The following KIAA0930 variants were observed in gnomAD, a reference collection of about 807,000 sequenced individuals.
KIAA0930 encodes KIAA0930, also known as uncharacterized protein KIAA0930.
Under a neutral mutation model 43.9 loss-of-function variants are expected in KIAA0930, and 24 were observed. That is an observed-to-expected ratio of 0.55 (90% CI 0.40 to 0.77). KIAA0930 has a LOEUF of 0.77. Ranked by LOEUF, KIAA0930 falls within the 30% of genes least tolerant of loss-of-function variation. KIAA0930 has a pLI of 0.00. For synonymous variants in KIAA0930, 259 were observed against 216.4 expected, an observed-to-expected ratio of 1.20 and a Z score of -1.73; for missense variants, 461 against 574.2, an observed-to-expected ratio of 0.80 and a Z score of 2.02.
intron 2 of KIAA0930, among the ~76,000 whole-genome samples, chr22:45,208,316 C>T (rs1163793712): frequency 7.3e-5 from 11 of 151,182 alleles, no homozygotes; most frequent in Admixed American, 6.6e-4. Context: ...CAGGCAGAAC[C>T]ACCGACTCCA....
Position 45,193,094 on chromosome 22 carries a change from G to A in KIAA0930, c.*4082C>T, listed in dbSNP as rs1008477747. On this transcript the variant is annotated 3_prime_UTR_variant, in exon 10 of 10. Transcript: ENST00000336156. The stretch of plus-strand genomic sequence containing the variant: ...GGCACGTGCCTTTCCTTATCTCGTG[G>A]AGTGTCCGTCCTATCAGGTGGTTGT... 6.6e-6 allele frequency: 1 copy of A among 152,118 alleles called. No homozygotes were observed. Among genetic ancestry groups the A allele is most frequent in the East Asian group, 1.9e-4 (1 of 5,180 alleles). 9.4% of individuals were successfully genotyped at this position (152,118 alleles called of 1,614,324 possible).
At chr22:45,214,941 G>C (rs553439303) in intron 1 of KIAA0930, among the ~76,000 whole-genome samples, 39 of 151,594 alleles carry the variant, frequency 2.6e-4, no homozygotes, top group African/African-American at 9.4e-4. Context: ...ATTTAGGCCA[G>C]GTGCAGTGGC....
chr22:45,213,836 C>G (rs2083714897), intron 1 of KIAA0930, among the ~76,000 whole-genome samples: 1 of 152,058 alleles, frequency 6.6e-6, no homozygotes, highest in Non-Finnish European at 1.5e-5. Flanking sequence ...ATGGTGAAAC[C>G]CTGTATCTAG....
rs1196717621 is a variant in KIAA0930 at position 45,203,983 on chromosome 22, C to T, written c.519G>A (p.Val173=). Residue 173 remains valine (V), a splice_region_variant and synonymous_variant, in exon 6 of 10, where the codon GTG becomes GTA. Coordinates refer to ENST00000336156, the MANE Select transcript of KIAA0930 (RefSeq NM_001009880.2). The stretch of plus-strand genomic sequence containing the variant: ...CTTCCCCTACGGTCATGTCGCTGAA[C>T]ACCTGGGCCAGGACACAAAGAGACA... ...IFFMIDSFEE[V]FSDMTVGEGE... is the part of the protein sequence containing the mutation. 1.9e-6 allele frequency: 3 copies of T among 1,613,948 alleles called. No individual in the cohort carries two copies. The highest frequency in any genetic ancestry group is 2.5e-6 in the Non-Finnish European group (3 of 1,179,870).
chr22:45,221,319 C>CAAATGGCATGGCAGTACGTAAAG (rs2083766253), intron 1 of KIAA0930, among the ~76,000 whole-genome samples: 1 of 152,158 alleles, frequency 6.6e-6, no homozygotes, highest in Admixed American at 6.5e-5. Flanking sequence ...ACCATAGCTG[C>CAAATGGCATGGCAGTACGTAAAG]AAATGGCATG....
At position 45,216,875 on chromosome 22, in the gene KIAA0930, C is replaced by A. The variant is rs143934937; in HGVS notation, c.65-4768G>T. ...CTCTGTGCTCACGGCCCTGCCTTCC[C>A]TCCCTTCCCTCCCGGGGTCCTATGA... On this transcript the variant is annotated intron_variant, in intron 1 of 9. Transcript: ENST00000336156. Among the ~76,000 whole-genome samples the A allele has an allele frequency of 6.4e-3, 979 of 152,262 alleles. 9 individuals are homozygous for A. Among genetic ancestry groups the A allele is most frequent in the African/African-American group, 0.022 (909 of 41,530 alleles).
Position 45,207,485 on chromosome 22 carries a change from A to AT in KIAA0930, c.217-1574dup, listed in dbSNP as rs34108837. 971 of 137,842 alleles carry AT rather than the reference A, an allele frequency of 7.0e-3. 4 individuals carry two copies. Among genetic ancestry groups the AT allele is most frequent in the African/African-American group, 8.7e-3 (311 of 35,822 alleles). 8.5% of individuals were successfully genotyped at this position (137,842 alleles called of 1,614,324 possible). ...TTATAGGCGTCTGCCACCACACGTA[A>AT]TTTTTTTTTTTTTTTTTTAATAGAG... On this transcript the variant is annotated intron_variant, in intron 2 of 9. Coordinates refer to ENST00000336156, the MANE Select transcript of KIAA0930 (RefSeq NM_001009880.2).
chr22:45,227,704 T>C (rs954542090), intron 1 of KIAA0930, among the ~76,000 whole-genome samples: 5 of 152,258 alleles, frequency 3.3e-5, no homozygotes, highest in African/African-American at 1.2e-4. Context: ...TGGTTCTGGC[T>C]CCAACTGTCC....
At chr22:45,199,518 AC>A (rs933809433) in intron 8 of KIAA0930, among the ~76,000 whole-genome samples, 3 of 152,148 alleles carry the variant, frequency 2.0e-5, no homozygotes, top group Non-Finnish European at 2.9e-5. Context: ...CTCCCGCCAC[AC>A]CCCGTGTGTG....
intron 1 of KIAA0930, among the ~76,000 whole-genome samples, chr22:45,218,768 C>CG (rs370990909): frequency 1.3e-3 from 205 of 152,202 alleles, no homozygotes; most frequent in African/African-American, 4.7e-3. Flanking sequence ...TAAGCGAACC[C>CG]GGGGGTCACC....
At chr22:45,228,754 A>C (rs1601824789) in intron 1 of KIAA0930, among the ~76,000 whole-genome samples, 1 of 23,906 alleles carries the variant, frequency 4.2e-5, no homozygotes, top group Non-Finnish European at 6.5e-5. Context: ...ACCACCACTC[A>C]CCCGAAAGAT....
intron 1 of KIAA0930, among the ~76,000 whole-genome samples, chr22:45,221,063 T>C (rs2083764890): frequency 6.6e-6 from 1 of 152,352 alleles, no homozygotes; most frequent in South Asian, 2.1e-4. Flanking sequence ...GCTTATTTCC[T>C]GACCTGCCCC....
chr22:45,219,019 G>C (rs560269394), intron 1 of KIAA0930, among the ~76,000 whole-genome samples: 21 of 151,162 alleles, frequency 1.4e-4, no homozygotes, highest in Non-Finnish European at 3.1e-4. Context: ...CCATGGGGAT[G>C]GTTCTTCAGA....
rs192168043 is a variant in KIAA0930, at chr22:45,212,255, C to T, written c.65-148G>A. The T allele has an allele frequency of 2.7e-4, 443 of 1,612,922 alleles. No individual in the cohort carries two copies. The African/African-American group carries it at 4.2e-3, about 15-fold the overall frequency. On this transcript the variant is annotated intron_variant, in intron 1 of 9. Transcript: ENST00000336156. Reference sequence around the variant, plus strand: ...TGCGCCACCCTTCCCTCACCACTCCCGACCCCCACCCATGGAGCATCCAGA... The same window carrying T: ...TGCGCCACCCTTCCCTCACCACTCCTGACCCCCACCCATGGAGCATCCAGA...
chr22:45,210,621 T>C (rs543886331), intron 2 of KIAA0930, among the ~76,000 whole-genome samples: 1 of 152,250 alleles, frequency 6.6e-6, no homozygotes, highest in East Asian at 1.9e-4. Flanking sequence ...AAAGCTGGTC[T>C]CTCGATTGTA....
chr22:45,193,313 A>G lies in KIAA0930; in HGVS notation c.*3863T>C, dbSNP rs1284825445. On this transcript the variant is annotated 3_prime_UTR_variant, in exon 10 of 10. Transcript: ENST00000336156. ...GCTAAAAAGTTGGCAGATGTTTCGT[A>G]TGTCTTTAAAGGATTTTGGCCAACA... 6.6e-6 allele frequency: 1 copy of G among 152,210 alleles called. No homozygotes were observed. The highest frequency in any genetic ancestry group is 2.4e-5 in the African/African-American group (1 of 41,456). The allele number at this position is 152,210 out of a possible 1,614,324, so 9.4% of individuals were successfully genotyped here.
chr22:45,214,630 C>T (rs548912083), intron 1 of KIAA0930, among the ~76,000 whole-genome samples: 44 of 152,268 alleles, frequency 2.9e-4, no homozygotes, highest in African/African-American at 9.9e-4. Flanking sequence ...CAAACTTAGC[C>T]GGGTGAGGTA....
intron 1 of KIAA0930, among the ~76,000 whole-genome samples, chr22:45,238,216 A>G (rs1275472731): frequency 1.3e-5 from 2 of 151,934 alleles, no homozygotes; most frequent in Non-Finnish European, 2.9e-5. Context: ...ATGAGCCACC[A>G]CGCCCGGCCA....
chr22:45,232,292 T>TTC (rs1330051120), intron 1 of KIAA0930, among the ~76,000 whole-genome samples: 1 of 152,240 alleles, frequency 6.6e-6, no homozygotes, highest in Non-Finnish European at 1.5e-5. Flanking sequence ...TATTCTGCTT[T>TTC]TCTCCCTTTC....
Sources: allele counts gnomAD v4.1 joint callset (sites outside exome capture counted in the v4.1 genomes callset), GRCh38; gene constraint gnomAD v4.1.1; transcripts MANE v1.5; gene names NCBI Gene and HGNC (gene_info 2026-07-23, HGNC 2026-07-21).